The following GDPD1 variants were observed in gnomAD, a reference collection of about 807,000 sequenced individuals.
The protein encoded by GDPD1 is lysophospholipase D GDPD1.
GDPD1 carries 28 observed loss-of-function variants against 45.1 expected under a neutral mutation model. That is an observed-to-expected ratio of 0.62 (90% CI 0.46 to 0.85). The LOEUF is 0.85. Ranked by LOEUF, GDPD1 falls within the 40% of genes least tolerant of loss-of-function variation. GDPD1 has a pLI of 0.00. For synonymous variants in GDPD1, 139 were observed against 131.4 expected (o/e 1.06, Z -0.40); for missense variants, 256 against 364.8 (o/e 0.70, Z 2.43).
chr17:59,221,726 A>C (rs2047006636), intron 1 of GDPD1, among the ~76,000 whole-genome samples: 1 of 152,142 alleles, frequency 6.6e-6, no homozygotes, highest in Non-Finnish European at 1.5e-5. Flanking sequence ...GATTATTTTC[A>C]ATCAATTTTA....
At chr17:59,237,719 C>A (rs2047143704) in intron 2 of GDPD1, among the ~76,000 whole-genome samples, 1 of 151,770 alleles carries the variant, frequency 6.6e-6, no homozygotes, top group Admixed American at 6.6e-5. Context: ...ACCAGAAAAT[C>A]AAAAGGTATT....
chr17:59,233,713 A>G lies in GDPD1; in HGVS notation c.143-779A>G, dbSNP rs559435872. On this transcript the variant is annotated intron_variant, in intron 1 of 9. Transcript: ENST00000284116. ...ATTTTTTACTGTTAAGTACTTATGT[A>G]TGAATAAGTGTAAGAAAATGCTTAT... is the stretch of plus-strand genomic sequence containing the variant. Among the ~76,000 whole-genome samples the G allele has an allele frequency of 6.6e-5, 10 of 152,192 alleles. No individual in the cohort carries two copies. In the South Asian group the frequency reaches 1.9e-3, roughly 28 times the overall value.
intron 4 of GDPD1, among the ~76,000 whole-genome samples, chr17:59,250,050 G>T (rs1156844713): frequency 2.6e-5 from 4 of 151,810 alleles, no homozygotes; most frequent in African/African-American, 4.8e-5. Flanking sequence ...ACTGATAGGG[G>T]AATTTTTGAA....
rs1215664016 is a variant in GDPD1, at chr17:59,272,753, T to C, written c.771-32T>C. 2.3e-6 allele frequency: 3 copies of C among 1,326,904 alleles called. No homozygotes were observed. In the South Asian group the frequency reaches 3.5e-5, roughly 16 times the overall value. 82.2% of individuals were successfully genotyped at this position (1,326,904 alleles called of 1,614,324 possible). On this transcript the variant is annotated intron_variant, in intron 8 of 9. Transcript: ENST00000284116. The stretch of plus-strand genomic sequence containing the variant: ...GACTAAATTAGGACTAAGGACTAAA[T>C]TCCTAAATCAGTTTTGCTTTTTCTT...
intron 2 of GDPD1, among the ~76,000 whole-genome samples, chr17:59,237,811 T>G (rs2147880975): frequency 6.6e-6 from 1 of 152,210 alleles, no homozygotes; most frequent in South Asian, 2.1e-4. Flanking sequence ...GGCTCACACC[T>G]GTAATCCCAG....
At chr17:59,233,290 G>A (rs754467633) in intron 1 of GDPD1, among the ~76,000 whole-genome samples, 17 of 152,056 alleles carry the variant, frequency 1.1e-4, no homozygotes, top group Non-Finnish European at 2.1e-4. Context: ...GAAGCGGGTG[G>A]ATCACGAGGT....
chr17:59,266,763 T>C (rs2047402197), intron 6 of GDPD1, among the ~76,000 whole-genome samples: 1 of 152,208 alleles, frequency 6.6e-6, no homozygotes, highest in African/African-American at 2.4e-5. Context: ...CTGTAAGTAC[T>C]GTAACCAACG....
intron 7 of GDPD1, 69 bp downstream of exon 7, chr17:59,267,243 A>G: frequency 7.7e-7 from 1 of 1,305,308 alleles, no homozygotes; most frequent in South Asian, 1.3e-5. Context: ...AAGCTCACTA[A>G]TATCAATATC....
intron 1 of GDPD1, among the ~76,000 whole-genome samples, chr17:59,221,364 C>G (rs1189601017): frequency 6.6e-6 from 1 of 151,140 alleles, no homozygotes; most frequent in Admixed American, 6.6e-5. Context: ...AGAGCTAGGG[C>G]TGAACTGAGA....
intron 2 of GDPD1, among the ~76,000 whole-genome samples, chr17:59,244,671 G>A (rs1454028521): frequency 6.6e-6 from 1 of 152,014 alleles, no homozygotes; most frequent in Non-Finnish European, 1.5e-5. Flanking sequence ...TTGCCTAATT[G>A]CTAGAGCTTT....
rs1213960175 is a variant in GDPD1 at position 59,274,507 on chromosome 17, C to A, written c.*734C>A. On this transcript the variant is annotated 3_prime_UTR_variant, in exon 10 of 10. Coordinates refer to ENST00000284116, the MANE Select transcript of GDPD1 (RefSeq NM_182569.4). Reference sequence around the variant, plus strand: ...CAGCCTGGGAGACAGAGTGAGACTCCGTCTCAAAAAAAAAAAAAAAAAAAA... The same window carrying A: ...CAGCCTGGGAGACAGAGTGAGACTCAGTCTCAAAAAAAAAAAAAAAAAAAA... The A allele has an allele frequency of 9.8e-6, 1 of 102,204 alleles. No individual in the cohort carries two copies. Among genetic ancestry groups the A allele is most frequent in the African/African-American group, 5.0e-5 (1 of 19,812 alleles). The allele number at this position is 102,204 out of a possible 1,614,324, so 6.3% of individuals were successfully genotyped here.
At chr17:59,249,449 G>T (rs1262637354) in intron 4 of GDPD1, among the ~76,000 whole-genome samples, 3 of 151,956 alleles carry the variant, frequency 2.0e-5, no homozygotes, top group African/African-American at 4.8e-5. Flanking sequence ...TAAATGAAAA[G>T]AAATGGAAAG....
chr17:59,220,562 G>C lies in GDPD1; in HGVS notation c.-48G>C, dbSNP rs753585849. Reference sequence around the variant, plus strand: ...CCGCCGTCGTTGCTACTGCCGCAGCGGAGTTCAGAGGGCCCGGAGGTGGGA... The same window carrying C: ...CCGCCGTCGTTGCTACTGCCGCAGCCGAGTTCAGAGGGCCCGGAGGTGGGA... On this transcript the variant is annotated 5_prime_UTR_variant, in exon 1 of 10. Transcript: ENST00000284116. 1.6e-5 allele frequency: 26 copies of C among 1,588,338 alleles called. No individual in the cohort carries two copies. Among genetic ancestry groups the C allele is most frequent in the Non-Finnish European group, 2.2e-5 (26 of 1,166,048 alleles).
At chr17:59,270,565 G>A (rs1185709958) in intron 7 of GDPD1, among the ~76,000 whole-genome samples, 2 of 152,036 alleles carry the variant, frequency 1.3e-5, no homozygotes, top group East Asian at 1.9e-4. Flanking sequence ...ATACAGTTCC[G>A]TTGTATGTTT....
chr17:59,253,886 CA>C (rs1333520618), intron 4 of GDPD1, among the ~76,000 whole-genome samples: 7 of 151,920 alleles, frequency 4.6e-5, no homozygotes, highest in Non-Finnish European at 7.4e-5. Context: ...TCTATCACAA[CA>C]ATGTGAGATG....
chr17:59,267,831 G>A (rs920615466), intron 7 of GDPD1, among the ~76,000 whole-genome samples: 5 of 151,778 alleles, frequency 3.3e-5, no homozygotes, highest in South Asian at 2.1e-4. Flanking sequence ...CACCTTGCCT[G>A]GCTAATTTTT....
chr17:59,274,090 A>T lies in GDPD1; in HGVS notation c.*317A>T. 1.3e-6 allele frequency: 1 copy of T among 763,444 alleles called. No individual in the cohort carries two copies. The highest frequency in any genetic ancestry group is 6.0e-5 in the South Asian group (1 of 16,800). 47.3% of individuals were successfully genotyped at this position (763,444 alleles called of 1,614,324 possible). A position where few individuals can be genotyped will look rare whatever the true frequency, so the allele number is the denominator to read the frequency against. The stretch of plus-strand genomic sequence containing the variant: ...ATTAATAACATACACAGAAATGTAC[A>T]TACTACATCATCTACAGAAATCTTG... On this transcript the variant is annotated 3_prime_UTR_variant, in exon 10 of 10. Coordinates refer to ENST00000284116, the MANE Select transcript of GDPD1 (RefSeq NM_182569.4).
At chr17:59,231,328 T>TC (rs2047087929) in intron 1 of GDPD1, among the ~76,000 whole-genome samples, 1 of 144,520 alleles carries the variant, frequency 6.9e-6, no homozygotes, top group Non-Finnish European at 1.5e-5. Flanking sequence ...TTCTTTCTTT[T>TC]TTTTTTTTTT....
At chr17:59,240,925 C>T (rs916785827) in intron 2 of GDPD1, among the ~76,000 whole-genome samples, 1 of 152,140 alleles carries the variant, frequency 6.6e-6, no homozygotes, top group Non-Finnish European at 1.5e-5. Context: ...ATGATAAGTG[C>T]CCTAATGCAG....
Sources: gnomAD v4.1 joint callset for allele counts (sites outside exome capture counted in the v4.1 genomes callset) on GRCh38, gnomAD v4.1.1 for gene constraint, MANE v1.5 for transcripts, NCBI Gene and HGNC (gene_info 2026-07-23, HGNC 2026-07-21) for gene names.